Variants in SRP72 observed in about 807,000 individuals in gnomAD.
SRP72 encodes signal recognition particle subunit SRP72.
In SRP72, 49 loss-of-function variants were observed where a neutral mutation model predicts 96.3. The ratio of observed to expected loss-of-function variants is 0.51; its 90% CI spans 0.40 to 0.65. The LOEUF is 0.65. Among genes scored for constraint, SRP72 ranks in the 30% least tolerant of loss-of-function variants. The pLI is 0.00. For missense variants in SRP72, 736 were observed against 793.3 expected, an observed-to-expected ratio of 0.93 and a Z score of 0.87; for synonymous variants, 267 against 275.2, an observed-to-expected ratio of 0.97 and a Z score of 0.30.
intron 10 of SRP72, among the ~76,000 whole-genome samples, chr4:56,485,163 A>G (rs1720656712): frequency 6.6e-6 from 1 of 152,176 alleles, no homozygotes; most frequent in Admixed American, 6.5e-5. Flanking sequence ...ATTCCAGAAC[A>G]TACTTAACCT....
chr4:56,492,496 T>C (rs559026319), intron 16 of SRP72, among the ~76,000 whole-genome samples: 1 of 152,306 alleles, frequency 6.6e-6, no homozygotes, highest in Admixed American at 6.5e-5. Flanking sequence ...AGATAAAACA[T>C]TTCCTTAGCT....
chr4:56,475,403 A>ATATATAT lies in SRP72; in HGVS notation c.610+1012_610+1013insTATATAT, dbSNP rs1553945338. On this transcript the variant is annotated intron_variant, in intron 5 of 18. Coordinates refer to ENST00000642900, the MANE Select transcript of SRP72 (RefSeq NM_006947.4). Reference sequence around the variant, plus strand: ...TAAGCCTTCGTTTTTACAAAAAAAAAATATATATGTGGCCGAGTGTGGTGG... The same window carrying ATATATAT: ...TAAGCCTTCGTTTTTACAAAAAAAAATATATATATATATATGTGGCCGAGTGTGGTGG... Among the ~76,000 whole-genome samples, 1,103 of 150,954 alleles carry ATATATAT rather than the reference A, an allele frequency of 7.3e-3. 18 individuals are homozygous for ATATATAT. Among genetic ancestry groups the ATATATAT allele is most frequent in the South Asian group, 0.043 (206 of 4,786 alleles).
In SRP72 at chr4:56,502,475, A is replaced by G. The variant is rs1721294558; in HGVS notation, c.*614A>G. 2.0e-5 allele frequency: 2 copies of G among 102,386 alleles called. No individual in the cohort carries two copies. The highest frequency in any genetic ancestry group is 9.3e-4 in the East Asian group (2 of 2,146). The allele number at this position is 102,386 out of a possible 1,614,324, so 6.3% of individuals were successfully genotyped here. A position where few individuals can be genotyped will look rare whatever the true frequency, so the allele number is the denominator to read the frequency against. ...GGATACTTTTCATGTTTATATATATATATATATGTATATATATATACATAT... is the reference window on the plus strand; with the variant it reads ...GGATACTTTTCATGTTTATATATATGTATATATGTATATATATATACATAT... On this transcript the variant is annotated 3_prime_UTR_variant, in exon 19 of 19. Coordinates refer to ENST00000642900, the MANE Select transcript of SRP72 (RefSeq NM_006947.4).
chr4:56,476,377 C>A, intron 5 of SRP72: 1 of 369,196 alleles, frequency 2.7e-6, no homozygotes, highest in Non-Finnish European at 4.6e-6. Context: ...TTATACTTTT[C>A]TATAATTGAT....
Position 56,471,700 on chromosome 4 carries a change from G to GTT in SRP72, c.231-12_231-11dup. ...CATTGTTAGATAATAATCAGATACT[G>GTT]TTTTTTTTTCCTTCTTCAGTAACTC... is the stretch of plus-strand genomic sequence containing the variant. On this transcript the variant is annotated intron_variant, in intron 2 of 18. Transcript: ENST00000642900. The GTT allele has an allele frequency of 3.2e-6, 5 of 1,567,944 alleles. No individual in the cohort carries two copies. The highest frequency in any genetic ancestry group is 1.7e-5 in the Admixed American group (1 of 57,852).
chr4:56,500,804 A>G, intron 18 of SRP72, 109 bp downstream of exon 18: 2 of 1,110,164 alleles, frequency 1.8e-6, no homozygotes, highest in South Asian at 2.0e-5. Context: ...AATGTGATGT[A>G]TCTTTGATAA....
chr4:56,485,999 A>G (rs1252076284), intron 10 of SRP72, among the ~76,000 whole-genome samples: 2 of 152,152 alleles, frequency 1.3e-5, no homozygotes, highest in Non-Finnish European at 2.9e-5. Context: ...CAAATACTAT[A>G]CTTTTATATA....
chr4:56,490,553 T>C lies in SRP72; in HGVS notation c.1425-15T>C. On this transcript the variant is annotated splice_polypyrimidine_tract_variant and intron_variant, in intron 14 of 18. Coordinates refer to ENST00000642900, the MANE Select transcript of SRP72 (RefSeq NM_006947.4). ...TTTATAAACAGTTCAATAATTTTCTTATTTCTTCTTTTAGACAAAATCCAA... is the reference window on the plus strand; with the variant it reads ...TTTATAAACAGTTCAATAATTTTCTCATTTCTTCTTTTAGACAAAATCCAA... 3.1e-6 allele frequency: 5 copies of C among 1,612,092 alleles called. No homozygotes were observed. The highest frequency in any genetic ancestry group is 4.2e-6 in the Non-Finnish European group (5 of 1,179,072).
intron 16 of SRP72, among the ~76,000 whole-genome samples, chr4:56,493,521 G>A (rs746442640): frequency 1.4e-4 from 21 of 152,032 alleles, no homozygotes; most frequent in Non-Finnish European, 3.1e-4. Flanking sequence ...TATGTGATAG[G>A]TTTATGCTAG....
chr4:56,497,194 T>C (rs1453966367), intron 17 of SRP72, among the ~76,000 whole-genome samples: 1 of 142,492 alleles, frequency 7.0e-6, no homozygotes, highest in Non-Finnish European at 1.5e-5. Context: ...CACTTCACTT[T>C]ATTTATTTTT....
intron 11 of SRP72, among the ~76,000 whole-genome samples, chr4:56,487,181 A>T (rs1195730052): frequency 6.6e-6 from 1 of 152,204 alleles, no homozygotes; most frequent in Non-Finnish European, 1.5e-5. Flanking sequence ...CTTCACAAAA[A>T]TCTTAAATAT....
rs1199361880 is a variant in SRP72 at position 56,490,659 on chromosome 4, T to G, written c.1502+14T>G. On this transcript the variant is annotated intron_variant, in intron 15 of 18. Coordinates refer to ENST00000642900, the MANE Select transcript of SRP72 (RefSeq NM_006947.4). ...GAAAGCCAAAGCGTATCCTTTTGAT[T>G]GTTATTCCTTACAGCTCCTCAGTAG... 3 of 1,606,944 alleles carry G rather than the reference T, an allele frequency of 1.9e-6. No homozygotes were observed. The highest frequency in any genetic ancestry group is 2.6e-6 in the Non-Finnish European group (3 of 1,174,070).
chr4:56,494,029 T>A (rs1232095124), intron 16 of SRP72, among the ~76,000 whole-genome samples: 1 of 152,172 alleles, frequency 6.6e-6, no homozygotes, highest in Admixed American at 6.5e-5. Flanking sequence ...ATGGAGAAGA[T>A]GATTGTGTTG....
intron 8 of SRP72, among the ~76,000 whole-genome samples, chr4:56,480,548 C>T (rs1370190790): frequency 4.6e-5 from 7 of 152,212 alleles, no homozygotes; most frequent in Non-Finnish European, 5.9e-5. Flanking sequence ...GCATGAGCCA[C>T]CACACCCAGC....
At chr4:56,497,181 A>G (rs1449016745) in intron 17 of SRP72, among the ~76,000 whole-genome samples, 1 of 151,248 alleles carries the variant, frequency 6.6e-6, no homozygotes, top group African/African-American at 2.4e-5. Context: ...AAATTAATAG[A>G]TGCACTTCAC....
intron 13 of SRP72, 29 bp from the exon 14 acceptor site, chr4:56,490,304 C>CT (rs755429072): frequency 1.3e-4 from 199 of 1,565,222 alleles, no homozygotes; most frequent in Non-Finnish European, 1.5e-4. Context: ...TAACTTGAAA[C>CT]TTTTTTTTTC....
At chr4:56,468,697 A>G in intron 1 of SRP72, among the ~76,000 whole-genome samples, 1 of 152,184 alleles carries the variant, frequency 6.6e-6, no homozygotes, top group East Asian at 1.9e-4. Flanking sequence ...TTGTGCCCAC[A>G]GTGCACTTTT....
intron 8 of SRP72, among the ~76,000 whole-genome samples, chr4:56,479,543 G>C (rs1185278243): frequency 8.0e-6 from 1 of 124,822 alleles, no homozygotes; most frequent in Non-Finnish European, 1.7e-5. Flanking sequence ...TTTTGAGACT[G>C]TCACCCAGGC....
intron 8 of SRP72, among the ~76,000 whole-genome samples, chr4:56,481,974 G>A (rs1051667229): frequency 4.0e-4 from 61 of 150,998 alleles, no homozygotes; most frequent in African/African-American, 1.4e-3. Flanking sequence ...ATGTTGGCCA[G>A]GCTGGTCCCG....
Sources: gnomAD v4.1 joint callset for allele counts (sites outside exome capture counted in the v4.1 genomes callset) on GRCh38, gnomAD v4.1.1 for gene constraint, MANE v1.5 for transcripts, NCBI Gene and HGNC (gene_info 2026-07-23, HGNC 2026-07-21) for gene names.